The following GOLGA4 variants were observed in gnomAD, a reference collection of about 807,000 sequenced individuals.
GOLGA4 encodes golgin A4.
A neutral mutation model predicts 265.9 loss-of-function variants in GOLGA4; 169 were observed. The observed-to-expected ratio is 0.64, with a 90% CI of 0.56 to 0.72. GOLGA4 has a LOEUF of 0.72. Ranked by LOEUF, GOLGA4 falls within the 30% of genes least tolerant of loss-of-function variation. The pLI, the probability that GOLGA4 is intolerant of heterozygous loss-of-function variation, is 0.00. For missense variants in GOLGA4, 2,482 were observed against 2,483.4 expected (o/e 1.00, Z 0.01); for synonymous variants, 923 against 855.8 (o/e 1.08, Z -1.37).
rs1426902377 is a variant in GOLGA4, at chr3:37,325,003, A to G, written c.3117A>G (p.Glu1039=). The G allele has an allele frequency of 1.1e-5, 18 of 1,612,864 alleles. No homozygotes were observed. In the Admixed American group the frequency reaches 2.8e-4, roughly 25 times the overall value. ...IESLTEVHRR[E]LNDVISIWEK... ...GTCTTACTGAGGTTCATCGACGAGA[A>G]CTCAATGATGTCATATCAATCTGGG... is the stretch of plus-strand genomic sequence containing the variant. The change falls in exon 14 of 24, where the codon GAA becomes GAG. Residue 1039 remains glutamate, a synonymous_variant. Transcript: ENST00000361924.
At chr3:37,284,702 C>T (rs1380235544) in intron 3 of GOLGA4, among the ~76,000 whole-genome samples, 3 of 148,420 alleles carry the variant, frequency 2.0e-5, no homozygotes, top group Non-Finnish European at 4.4e-5. Flanking sequence ...CTTACTCCCT[C>T]ACCCAGGCTG....
In GOLGA4 at chr3:37,329,021, G is replaced by A. The variant is rs1208954240; in HGVS notation, c.6120G>A (p.Gln2040=). 8 of 1,610,484 alleles carry A rather than the reference G, an allele frequency of 5.0e-6. No individual in the cohort carries two copies. The highest frequency in any genetic ancestry group is 5.1e-6 in the Non-Finnish European group (6 of 1,178,056). The change falls in exon 16 of 24, where the codon CAG becomes CAA. Residue 2040 remains glutamine (Q), a synonymous_variant. Transcript: ENST00000361924. ...LLESHQEETN[Q]LLKKIAEKDD... The stretch of plus-strand genomic sequence containing the variant: ...AAAGCCATCAAGAAGAGACAAATCA[G>A]TTACTTAAAAAAATTGCTGAGAAAG...
chr3:37,326,070 C>T lies in GOLGA4; in HGVS notation c.4184C>T (p.Ala1395Val). ...NSISLSEKEA[A>V]ISSLRKQYDE... The stretch of plus-strand genomic sequence containing the variant: ...ATCAGCCTATCCGAAAAAGAAGCAG[C>T]CATTTCATCACTAAGAAAGCAGTAT... Residue 1395 changes from alanine (A) to valine (V), a missense_variant, in exon 14 of 24, where the codon GCC (alanine) becomes GTC (valine). This residue lies in a region of GOLGA4 where 942 missense variants were observed against 983.1 expected (regional missense o/e 0.96). Coordinates refer to ENST00000361924, the MANE Select transcript of GOLGA4 (RefSeq NM_002078.5). 6.2e-7 allele frequency: 1 copy of T among 1,612,646 alleles called. No individual in the cohort carries two copies. Among genetic ancestry groups the T allele is most frequent in the East Asian group, 2.2e-5 (1 of 44,848 alleles).
At chr3:37,302,471 A>T (rs1293642328) in intron 10 of GOLGA4, 139 bp downstream of exon 10, 1 of 751,714 alleles carries the variant, frequency 1.3e-6, no homozygotes, top group East Asian at 2.7e-5. Context: ...CCATCTGCTC[A>T]TTAGAGGAGG....
At position 37,288,054 on chromosome 3, in the gene GOLGA4, A is replaced by G. The variant is rs2096854483; in HGVS notation, c.526-1181A>G. ...GTACCTTCCTTACCCCACCCCAGGA[A>G]AGGGTGAGTCATTTCATCTCACAAT... is the stretch of plus-strand genomic sequence containing the variant. On this transcript the variant is annotated intron_variant, in intron 4 of 23. Transcript: ENST00000361924. 2.0e-5 allele frequency among the ~76,000 whole-genome samples: 3 copies of G among 152,058 alleles called. No individual in the cohort carries two copies. In the South Asian group the frequency reaches 6.2e-4, roughly 32 times the overall value.
At chr3:37,292,683 C>CAA (rs747878292) in intron 5 of GOLGA4, among the ~76,000 whole-genome samples, 1 of 112,984 alleles carries the variant, frequency 8.9e-6, no homozygotes, top group Admixed American at 8.9e-5. Flanking sequence ...GACTCCGTCT[C>CAA]AAAAAAAAAA....
intron 2 of GOLGA4, 97 bp downstream of exon 2, chr3:37,251,581 C>T: frequency 2.9e-6 from 2 of 678,324 alleles, no homozygotes; most frequent in South Asian, 1.8e-5. Flanking sequence ...GACAGGTCAG[C>T]TATTTAATTC....
intron 20 of GOLGA4, among the ~76,000 whole-genome samples, chr3:37,346,236 C>T (rs1486538903): frequency 3.3e-5 from 5 of 152,190 alleles, no homozygotes; most frequent in Non-Finnish European, 5.9e-5. Flanking sequence ...TATTTAACAC[C>T]TCAGAATCCA....
chr3:37,290,411 G>A (rs751714334), intron 5 of GOLGA4, among the ~76,000 whole-genome samples: 6 of 151,964 alleles, frequency 3.9e-5, no homozygotes, highest in African/African-American at 7.2e-5. Context: ...CTAGTCTCTC[G>A]CAATTTTTTT....
At chr3:37,327,880 C>T in intron 14 of GOLGA4, 55 bp downstream of exon 14, 2 of 1,383,132 alleles carry the variant, frequency 1.4e-6, no homozygotes, top group South Asian at 2.8e-5. Context: ...AATTAAGTCT[C>T]CTTTTTTTGT....
At chr3:37,335,947 G>T (rs1475788843) in intron 17 of GOLGA4, among the ~76,000 whole-genome samples, 4 of 152,124 alleles carry the variant, frequency 2.6e-5, no homozygotes, top group African/African-American at 9.7e-5. Flanking sequence ...TCATAGCCCA[G>T]TCATGGGGGT....
At chr3:37,312,440 C>A (rs1476773039) in intron 10 of GOLGA4, among the ~76,000 whole-genome samples, 1 of 151,810 alleles carries the variant, frequency 6.6e-6, no homozygotes, top group Non-Finnish European at 1.5e-5. Context: ...ACAAAGATAC[C>A]ATTTTTGTTT....
intron 23 of GOLGA4, among the ~76,000 whole-genome samples, chr3:37,362,241 T>TTA: frequency 9.3e-6 from 1 of 107,866 alleles, no homozygotes; most frequent in South Asian, 2.7e-4. Context: ...TTATTTATTA[T>TTA]TTTTTTTTTT....
chr3:37,308,101 C>T (rs367561355), intron 10 of GOLGA4, among the ~76,000 whole-genome samples: 221 of 151,978 alleles, frequency 1.5e-3, no homozygotes, highest in African/African-American at 4.5e-3. Context: ...GGCATGGTGG[C>T]GTGTGCCTGT....
rs2096858578 is a variant in GOLGA4 at position 37,289,225 on chromosome 3, T to G, written c.526-10T>G. 6.5e-7 allele frequency: 1 copy of G among 1,529,964 alleles called. No homozygotes were observed. Among genetic ancestry groups the G allele is most frequent in the Non-Finnish European group, 8.9e-7 (1 of 1,117,670 alleles). 94.8% of individuals were successfully genotyped at this position (1,529,964 alleles called of 1,614,324 possible). A position where few individuals can be genotyped will look rare whatever the true frequency, so the allele number is the denominator to read the frequency against. On this transcript the variant is annotated splice_polypyrimidine_tract_variant and intron_variant, in intron 4 of 23. Coordinates refer to ENST00000361924, the MANE Select transcript of GOLGA4 (RefSeq NM_002078.5). ...TGTTTAACCAGCTTTTTTTTCTCTC[T>G]CAATTAAAGGGTATATTAAGTCAGA... is the stretch of plus-strand genomic sequence containing the variant.
intron 2 of GOLGA4, among the ~76,000 whole-genome samples, chr3:37,255,921 C>A (rs2096747336): frequency 6.6e-6 from 1 of 151,628 alleles, no homozygotes; most frequent in Admixed American, 6.6e-5. Context: ...CAGGGCCAAA[C>A]AAACAAACAA....
intron 16 of GOLGA4, among the ~76,000 whole-genome samples, chr3:37,331,002 G>T (rs1277028687): frequency 6.9e-6 from 1 of 145,844 alleles, no homozygotes; most frequent in African/African-American, 2.6e-5. Flanking sequence ...CTGCACTCCA[G>T]CCTGGGCGAC....
chr3:37,324,760 A>T lies in GOLGA4; in HGVS notation c.2874A>T (p.Lys958Asn). The change falls in exon 14 of 24, where the codon AAA becomes AAT. Residue 958 changes from lysine (K) to asparagine (N), a missense_variant. This residue lies in a region of GOLGA4 where 1,536 missense variants were observed against 1,483.7 expected (regional missense o/e 1.04). Transcript: ENST00000361924. ...AAAACCAAGAAAAAAAGATGGAAAA[A>T]GTTAAGCAGAAAGCAAAGGAGATGC... ...KFKNQEKKMEKVKQKAKEMQE... is the reference protein window; with the variant it reads ...KFKNQEKKMENVKQKAKEMQE... 1 of 1,586,952 alleles carries T rather than the reference A, an allele frequency of 6.3e-7. No homozygotes were observed. Among genetic ancestry groups the T allele is most frequent in the South Asian group, 1.2e-5 (1 of 84,446 alleles).
intron 1 of GOLGA4, among the ~76,000 whole-genome samples, chr3:37,246,990 AT>A (rs2096721486): frequency 6.6e-6 from 1 of 152,246 alleles, no homozygotes; most frequent in African/African-American, 2.4e-5. Flanking sequence ...CTGAAGGGAC[AT>A]AGCCTTATTG....
Sources: allele counts gnomAD v4.1 joint callset (sites outside exome capture counted in the v4.1 genomes callset), GRCh38; gene constraint gnomAD v4.1.1; regional missense constraint gnomAD v4.1.1; transcripts MANE v1.5; gene names NCBI Gene and HGNC (gene_info 2026-07-23, HGNC 2026-07-21).